Variants in ABCB1 observed in about 807,000 individuals in gnomAD.
ABCB1 encodes ATP-dependent translocase ABCB1.
ABCB1 carries 69 observed loss-of-function variants against 142.0 expected under a neutral mutation model. The observed-to-expected ratio is 0.49, with a 90% confidence interval of 0.40 to 0.59. ABCB1 has a LOEUF of 0.59. Ranked by LOEUF, ABCB1 falls within the 20% of genes least tolerant of loss-of-function variation. The pLI, the probability that ABCB1 is intolerant of heterozygous loss-of-function variation, is 0.00. For synonymous variants in ABCB1, 532 were observed against 539.2 expected, an observed-to-expected ratio of 0.99 and a Z score of 0.18; for missense variants, 1,326 against 1,554.7, an observed-to-expected ratio of 0.85 and a Z score of 2.47.
At chr7:87,700,970 T>G (rs891814036) in intron 1 of ABCB1, among the ~76,000 whole-genome samples, 1 of 152,220 alleles carries the variant, frequency 6.6e-6, no homozygotes, top group Admixed American at 6.5e-5. Context: ...CAGTATTTTC[T>G]TTTAAAGGCA....
intron 1 of ABCB1, chr7:87,710,555 T>G: frequency 6.8e-7 from 1 of 1,473,244 alleles, no homozygotes; most frequent in East Asian, 2.3e-5. Context: ...TTTGATTCTT[T>G]CTTCTTCCTT....
Position 87,678,373 on chromosome 7 carries a change from T to C in ABCB1, c.-331+34788A>G, listed in dbSNP as rs1163418031. Among the ~76,000 whole-genome samples the C allele has an allele frequency of 2.0e-5, 3 of 152,250 alleles. No individual in the cohort carries two copies. The East Asian group carries it at 5.8e-4, about 29-fold the overall frequency. On this transcript the variant is annotated intron_variant, in intron 1 of 28. Transcript: ENST00000265724. ...CAGAGTAAAGGGAACTATGTGGTTA[T>C]ATATATTTAGTTGAAATGCTAAAAT...
At chr7:87,634,576 C>T (rs1264728100) in intron 1 of ABCB1, among the ~76,000 whole-genome samples, 2 of 149,946 alleles carry the variant, frequency 1.3e-5, no homozygotes, top group African/African-American at 4.9e-5. Flanking sequence ...TGCAGTGAGC[C>T]GAGATTCACT....
upstream of ABCB1, among the ~76,000 whole-genome samples, chr7:87,602,686 T>G (rs1733436037): frequency 6.6e-6 from 1 of 152,240 alleles, no homozygotes. Flanking sequence ...GGTAAAGATC[T>G]CTATCAAAGA....
intron 20 of ABCB1, among the ~76,000 whole-genome samples, chr7:87,533,699 G>A (rs1243903578): frequency 6.6e-6 from 1 of 152,120 alleles, no homozygotes; most frequent in Non-Finnish European, 1.5e-5. Flanking sequence ...AATTTTCATT[G>A]TAAAGACTAG....
chr7:87,653,069 G>A (rs942187134), intron 1 of ABCB1, among the ~76,000 whole-genome samples: 2 of 151,940 alleles, frequency 1.3e-5, no homozygotes, highest in Non-Finnish European at 2.9e-5. Flanking sequence ...CCCCGTTATT[G>A]AAGAAAAGGA....
intron 4 of ABCB1, among the ~76,000 whole-genome samples, chr7:87,573,279 T>C (rs898368473): frequency 3.9e-5 from 6 of 152,158 alleles, no homozygotes. Flanking sequence ...AGGACCTCAT[T>C]ATCCTGGTTC....
intron 1 of ABCB1, chr7:87,710,540 T>C: frequency 7.4e-7 from 1 of 1,352,652 alleles, no homozygotes; most frequent in East Asian, 2.4e-5. Flanking sequence ...TTAATTTTTT[T>C]TATATTTGAT....
chr7:87,595,933 T>C (rs1031504787), intron 2 of ABCB1, 119 bp from the exon 3 acceptor site: 2 of 766,376 alleles, frequency 2.6e-6, no homozygotes, highest in South Asian at 1.6e-5. Context: ...GTCTATATTA[T>C]ACAGTTAAAA....
chr7:87,673,318 A>G (rs542003058), intron 1 of ABCB1, among the ~76,000 whole-genome samples: 4 of 152,262 alleles, frequency 2.6e-5, no homozygotes, highest in African/African-American at 9.6e-5. Flanking sequence ...ATGTTTCCCA[A>G]TTTCCTTGCT....
intron 4 of ABCB1, among the ~76,000 whole-genome samples, chr7:87,582,196 G>A (rs1466506606): frequency 6.6e-6 from 1 of 152,100 alleles, no homozygotes; most frequent in African/African-American, 2.4e-5. Context: ...AGTGAGGGAA[G>A]GATATTAATC....
chr7:87,705,311 A>G (rs1829488074), intron 1 of ABCB1, among the ~76,000 whole-genome samples: 1 of 152,168 alleles, frequency 6.6e-6, no homozygotes, highest in Non-Finnish European at 1.5e-5. Flanking sequence ...CTGTAATCCC[A>G]GCTACTTGGG....
At chr7:87,680,748 T>G (rs1826849119) in intron 1 of ABCB1, among the ~76,000 whole-genome samples, 1 of 149,272 alleles carries the variant, frequency 6.7e-6, no homozygotes, top group Non-Finnish European at 1.5e-5. Context: ...TGAGCCAAGA[T>G]CGCGCCATTG....
chr7:87,628,118 G>A lies in ABCB1; in HGVS notation c.-330-27040C>T, dbSNP rs189483781. Among the ~76,000 whole-genome samples the A allele has an allele frequency of 3.7e-3, 565 of 152,310 alleles. 15 individuals carry two copies. The highest frequency in any genetic ancestry group is 0.033 in the Admixed American group (506 of 15,302). On this transcript the variant is annotated intron_variant, in intron 1 of 28. Transcript: ENST00000265724. ...TATCAGCCGTTAAAGCTTGGCTACAGGCAAGGGGGGGGCAATAGGCCCCTG... is the reference window on the plus strand; with the variant it reads ...TATCAGCCGTTAAAGCTTGGCTACAAGCAAGGGGGGGGCAATAGGCCCCTG...
intron 1 of ABCB1, among the ~76,000 whole-genome samples, chr7:87,643,478 A>G (rs2130311780): frequency 6.6e-6 from 1 of 152,314 alleles, no homozygotes; most frequent in Admixed American, 6.5e-5. Flanking sequence ...AAATTATATT[A>G]GAAAAGAAAG....
intron 8 of ABCB1, among the ~76,000 whole-genome samples, chr7:87,560,386 T>C (rs936105908): frequency 4.6e-5 from 7 of 152,184 alleles, no homozygotes; most frequent in Admixed American, 3.3e-4. Flanking sequence ...AAAAAAATTA[T>C]GCAATGAATA....
rs1814721783 is a variant in ABCB1 at position 87,506,038 on chromosome 7, A to G, written c.3495T>C (p.Tyr1165=). 1.9e-6 allele frequency: 3 copies of G among 1,613,864 alleles called. No homozygotes were observed. Among genetic ancestry groups the G allele is most frequent in the Non-Finnish European group, 2.5e-6 (3 of 1,179,734 alleles). ...HAFIESLPNK[Y]STKVGDKGTQ... Reference sequence around the variant, plus strand: ...TTCCTTTGTCTCCTACTTTAGTGCTATATTTCTGTAAATAAGGTTTTGTTG... The same window carrying G: ...TTCCTTTGTCTCCTACTTTAGTGCTGTATTTCTGTAAATAAGGTTTTGTTG... Residue 1165 remains tyrosine, a synonymous_variant, in exon 27 of 28, where the codon TAT becomes TAC. Transcript: ENST00000622132.
At chr7:87,612,820 G>C (rs1301335569) in intron 1 of ABCB1, among the ~76,000 whole-genome samples, 1 of 152,018 alleles carries the variant, frequency 6.6e-6, no homozygotes, top group Non-Finnish European at 1.5e-5. Context: ...ATTTTGATAG[G>C]AATTGCACTG....
At chr7:87,579,356 G>A (rs1818410339) in intron 4 of ABCB1, among the ~76,000 whole-genome samples, 1 of 152,064 alleles carries the variant, frequency 6.6e-6, no homozygotes, top group Non-Finnish European at 1.5e-5. Flanking sequence ...CTAGCTGTGG[G>A]TCTGTTTATG....
Sources: gnomAD v4.1 joint callset for allele counts (sites outside exome capture counted in the v4.1 genomes callset) on GRCh38, gnomAD v4.1.1 for gene constraint, MANE v1.5 for transcripts, NCBI Gene and HGNC (gene_info 2026-07-23, HGNC 2026-07-21) for gene names.